The following ARMH3 variants were observed in gnomAD, a reference collection of about 807,000 sequenced individuals.
The protein encoded by ARMH3 is armadillo like helical domain containing 3, also known as armadillo-like helical domain-containing protein 3.
In ARMH3, 60 loss-of-function variants were observed where a neutral mutation model predicts 99.1. The ratio of observed to expected loss-of-function variants is 0.61; its 90% CI spans 0.49 to 0.75. The LOEUF (loss-of-function observed/expected upper bound fraction) is 0.75, where lower values mean the gene tolerates loss of function less well. Ranked by LOEUF, ARMH3 falls within the 30% of genes least tolerant of loss-of-function variation. ARMH3 has a pLI of 0.00. For missense variants in ARMH3, 679 were observed against 843.1 expected (o/e 0.81, Z 2.41); for synonymous variants, 285 against 292.8 (o/e 0.97, Z 0.27).
chr10:102,029,627 T>G lies in ARMH3; in HGVS notation c.414+11A>C, dbSNP rs751063474. ...TGCCATCCACAGGCACATCTGCAGCTTATGCCTCACCTTCATGCACAGCTC... is the reference window on the plus strand; with the variant it reads ...TGCCATCCACAGGCACATCTGCAGCGTATGCCTCACCTTCATGCACAGCTC... On this transcript the variant is annotated intron_variant, in intron 5 of 25. Transcript: ENST00000370033. 5 of 1,614,246 alleles carry G rather than the reference T, an allele frequency of 3.1e-6. No homozygotes were observed.
At chr10:102,026,121 G>A (rs1262405120) in intron 5 of ARMH3, among the ~76,000 whole-genome samples, 1 of 152,092 alleles carries the variant, frequency 6.6e-6, no homozygotes, top group African/African-American at 2.4e-5. Context: ...TGCACTAAAA[G>A]CCAGCTGACA....
chr10:101,911,071 G>A (rs1202586317), intron 23 of ARMH3, among the ~76,000 whole-genome samples: 3 of 151,934 alleles, frequency 2.0e-5, no homozygotes, highest in African/African-American at 7.2e-5. Context: ...CCCAGAGGAG[G>A]CGGAGGTTGC....
chr10:101,932,900 A>T (rs1843780743), intron 23 of ARMH3, among the ~76,000 whole-genome samples: 1 of 152,200 alleles, frequency 6.6e-6, no homozygotes, highest in Non-Finnish European at 1.5e-5. Context: ...AAAATGGTTA[A>T]AATGGGCCAG....
intron 20 of ARMH3, among the ~76,000 whole-genome samples, chr10:101,963,110 C>T (rs1845374307): frequency 2.0e-5 from 3 of 150,652 alleles, no homozygotes; most frequent in Admixed American, 6.6e-5. Context: ...GCTGGGATTA[C>T]AGGAACCCAT....
intron 20 of ARMH3, among the ~76,000 whole-genome samples, chr10:101,960,516 T>C (rs188394339): frequency 5.8e-4 from 89 of 152,248 alleles, no homozygotes; most frequent in African/African-American, 2.0e-3. Context: ...CCATGCCCCA[T>C]TCCACCCTCA....
chr10:101,922,555 C>T (rs1843345684), intron 23 of ARMH3, among the ~76,000 whole-genome samples: 1 of 152,052 alleles, frequency 6.6e-6, no homozygotes, highest in Non-Finnish European at 1.5e-5. Context: ...CGTGCCCAGC[C>T]CCTTCTATTT....
At chr10:102,049,155 C>T (rs569307196) in intron 1 of ARMH3, among the ~76,000 whole-genome samples, 1 of 152,302 alleles carries the variant, frequency 6.6e-6, no homozygotes, top group Admixed American at 6.5e-5. Context: ...TCCCCCACTT[C>T]CATCCAAAAG....
intron 24 of ARMH3, among the ~76,000 whole-genome samples, chr10:101,872,831 G>A (rs1025914785): frequency 2.0e-4 from 30 of 151,784 alleles, no homozygotes; most frequent in African/African-American, 6.8e-4. Flanking sequence ...GGTGGTAGGC[G>A]CCTGTAATCC....
intron 23 of ARMH3, among the ~76,000 whole-genome samples, chr10:101,924,185 G>A (rs1843412404): frequency 6.6e-6 from 1 of 152,122 alleles, no homozygotes; most frequent in Non-Finnish European, 1.5e-5. Context: ...ATGATGGGCT[G>A]AAACCAACAA....
At chr10:101,847,644 G>C (rs780969638) in intron 25 of ARMH3, 24 bp from the exon 26 acceptor site, 1 of 1,606,344 alleles carries the variant, frequency 6.2e-7, no homozygotes, top group Non-Finnish European at 8.5e-7. Flanking sequence ...GTTGGGGAAG[G>C]TGGGAGGGCG....
intron 14 of ARMH3, 76 bp from the exon 15 acceptor site, chr10:102,002,148 C>G (rs776764098): frequency 6.0e-5 from 94 of 1,570,542 alleles, no homozygotes; most frequent in Non-Finnish European, 7.7e-5. Flanking sequence ...AGCCAATTTG[C>G]CAGCAGGCAA....
At chr10:102,027,178 C>T (rs2067017923) in intron 5 of ARMH3, among the ~76,000 whole-genome samples, 1 of 151,076 alleles carries the variant, frequency 6.6e-6, no homozygotes, top group Non-Finnish European at 1.5e-5. Flanking sequence ...ACTCAGGTGG[C>T]TGAGGCAGGA....
chr10:101,982,712 C>T (rs1447252334), intron 19 of ARMH3, among the ~76,000 whole-genome samples: 1 of 152,086 alleles, frequency 6.6e-6, no homozygotes, highest in Non-Finnish European at 1.5e-5. Flanking sequence ...CTATTGTGAA[C>T]TGCGCATGCA....
At chr10:101,936,369 G>A (rs1843975396) in intron 23 of ARMH3, among the ~76,000 whole-genome samples, 1 of 151,620 alleles carries the variant, frequency 6.6e-6, no homozygotes, top group Admixed American at 6.6e-5. Flanking sequence ...GTGCGTGCCT[G>A]TAATCCCAGC....
intron 18 of ARMH3, 34 bp downstream of exon 18, chr10:101,991,935 C>G: frequency 6.3e-7 from 1 of 1,578,260 alleles, no homozygotes; most frequent in Non-Finnish European, 8.7e-7. Flanking sequence ...ATCGCTGTCA[C>G]AGAACAATGT....
rs181321434 is a variant in ARMH3, at chr10:101,907,539, A to G, written c.1782-18049T>C. Among the ~76,000 whole-genome samples the G allele has an allele frequency of 3.9e-5, 6 of 151,990 alleles. No homozygotes were observed. The East Asian group carries it at 1.2e-3, about 29-fold the overall frequency. On this transcript the variant is annotated intron_variant, in intron 23 of 25. Transcript: ENST00000370033. ...TGGGATTACAGGCATGCGCCACCAC[A>G]CCCAGCTCATTTTTTTGTATTTTTA...
chr10:102,040,316 TA>T (rs2067379443), intron 1 of ARMH3, among the ~76,000 whole-genome samples, 191 bp from the exon 2 acceptor site: 1 of 152,166 alleles, frequency 6.6e-6, no homozygotes, highest in Non-Finnish European at 1.5e-5. Context: ...AATGCCACTC[TA>T]GTGGGGGATG....
chr10:101,871,492 G>A (rs984565550), intron 24 of ARMH3, among the ~76,000 whole-genome samples: 10 of 152,186 alleles, frequency 6.6e-5, no homozygotes, highest in Admixed American at 3.3e-4. Flanking sequence ...AGAACTGACG[G>A]TCCAGAAATA....
At chr10:101,977,746 A>G (rs917277273) in intron 19 of ARMH3, among the ~76,000 whole-genome samples, 2 of 152,208 alleles carry the variant, frequency 1.3e-5, no homozygotes, top group Non-Finnish European at 2.9e-5. Flanking sequence ...AGTTATCATG[A>G]GAGTAAGTCT....
Sources: gnomAD v4.1 joint callset for allele counts (sites outside exome capture counted in the v4.1 genomes callset) on GRCh38, gnomAD v4.1.1 for gene constraint, MANE v1.5 for transcripts, NCBI Gene and HGNC (gene_info 2026-07-23, HGNC 2026-07-21) for gene names.